Variants in MYH10 observed in about 807,000 individuals in gnomAD.
The protein encoded by MYH10 is myosin heavy chain 10.
A neutral mutation model predicts 257.8 loss-of-function variants in MYH10; 55 were observed. The observed-to-expected ratio is 0.21, with a 90% CI of 0.17 to 0.27. The LOEUF (loss-of-function observed/expected upper bound fraction) is 0.27. Among genes scored for constraint, MYH10 ranks in the 10% least tolerant of loss-of-function variants. The pLI is 1.00. For missense variants in MYH10, 1,631 were observed against 2,500.6 expected (o/e 0.65, Z 7.42); for synonymous variants, 854 against 921.7 (o/e 0.93, Z 1.33).
intron 35 of MYH10, among the ~76,000 whole-genome samples, chr17:8,489,744 C>CACACACACACACAT: frequency 7.2e-6 from 1 of 138,514 alleles, no homozygotes; most frequent in Non-Finnish European, 1.7e-5. Context: ...CACACACACA[C>CACACACACACACAT]ACCCCAAATC....
At chr17:8,589,424 A>C (rs1192505828) in intron 3 of MYH10, among the ~76,000 whole-genome samples, 1 of 152,144 alleles carries the variant, frequency 6.6e-6, no homozygotes, top group East Asian at 1.9e-4. Flanking sequence ...TTCAACCGGG[A>C]AGTTTTATAA....
chr17:8,542,839 G>A (rs1597785422), intron 13 of MYH10, among the ~76,000 whole-genome samples: 1 of 152,130 alleles, frequency 6.6e-6, no homozygotes, highest in East Asian at 1.9e-4. Flanking sequence ...AGCCAGGCCT[G>A]GCACATGGAA....
At chr17:8,614,142 T>C (rs901397970) in intron 2 of MYH10, among the ~76,000 whole-genome samples, 3 of 152,098 alleles carry the variant, frequency 2.0e-5, no homozygotes, top group African/African-American at 7.2e-5. Flanking sequence ...AAGTGCATAA[T>C]AACCCTTTAC....
In MYH10 at chr17:8,569,786, T is replaced by C. The variant is rs965374419; in HGVS notation, c.690A>G (p.Gln230=). ...CAAATGATTCCAGAATTGGATTTGC[T>C]TGCAAAAGCTGCCGTTCAAGTTCCC... The part of the protein sequence containing the change: ...HQGELERQLL[Q]ANPILESFGN... The change falls in exon 7 of 43, where the codon CAA becomes CAG. Residue 230 remains glutamine, a synonymous_variant. Transcript: ENST00000360416. The surrounding 1 kb of genome is among the most constrained non-coding windows in gnomAD (Gnocchi z 4.1). The C allele has an allele frequency of 1.2e-6, 2 of 1,612,308 alleles. No individual in the cohort carries two copies. Among genetic ancestry groups the C allele is most frequent in the Non-Finnish European group, 1.7e-6 (2 of 1,179,192 alleles).
chr17:8,511,014 C>CCATATATATATATATATATA (rs2081250381), intron 24 of MYH10: 3 of 73,528 alleles, frequency 4.1e-5, no homozygotes, highest in African/African-American at 1.8e-4. Flanking sequence ...CTCATGTACC[C>CCATATATATATATATATATA]CATATATATA....
At chr17:8,604,395 T>C (rs1378686026) in intron 3 of MYH10, among the ~76,000 whole-genome samples, 4 of 152,194 alleles carry the variant, frequency 2.6e-5, no homozygotes, top group African/African-American at 9.6e-5. Context: ...ACTTAACACA[T>C]GCTTTTTAAC....
In MYH10 at chr17:8,569,700, T is replaced by A. The variant is rs148590230; in HGVS notation, c.756+20A>T. 2.8e-5 allele frequency: 43 copies of A among 1,537,466 alleles called. No homozygotes were observed. The highest frequency in any genetic ancestry group is 3.8e-5 in the Non-Finnish European group (42 of 1,118,214). ...CTAGAAATCTAAGGAATTAAAAGCT[T>A]CTGGTGCTTTGAAACTTACAAAACG... On this transcript the variant is annotated intron_variant, in intron 7 of 42. Transcript: ENST00000360416. The surrounding 1 kb of genome is among the most constrained non-coding windows in gnomAD (Gnocchi z 4.1).
At chr17:8,607,636 C>T (rs1467021433) in intron 2 of MYH10, among the ~76,000 whole-genome samples, 2 of 152,116 alleles carry the variant, frequency 1.3e-5, no homozygotes, top group Non-Finnish European at 2.9e-5. Context: ...TTCTGTCTTC[C>T]CCCAGACACA....
chr17:8,544,149 T>G (rs2151948397), intron 13 of MYH10, among the ~76,000 whole-genome samples: 1 of 152,338 alleles, frequency 6.6e-6, no homozygotes, highest in East Asian at 1.9e-4. Flanking sequence ...ACCAGTTTCC[T>G]AAAGGTGGGC....
intron 9 of MYH10, among the ~76,000 whole-genome samples, chr17:8,549,277 C>T (rs141520184): frequency 1.3e-5 from 2 of 152,304 alleles, no homozygotes; most frequent in Non-Finnish European, 2.9e-5. Flanking sequence ...AAGCACGTCC[C>T]GAGCCCAGCA....
At chr17:8,548,455 G>T in intron 10 of MYH10, 47 bp from the exon 11 acceptor site, 1 of 1,452,858 alleles carries the variant, frequency 6.9e-7, no homozygotes, top group Non-Finnish European at 9.4e-7. Context: ...GCCTCAAAAT[G>T]TAGCGGAGAC....
At chr17:8,567,916 G>C (rs922660066) in intron 7 of MYH10, among the ~76,000 whole-genome samples, 2 of 152,190 alleles carry the variant, frequency 1.3e-5, no homozygotes, top group Non-Finnish European at 2.9e-5. Context: ...AGATTGATGA[G>C]AGCACTGTGA....
At chr17:8,519,348 G>GT (rs2081574712) in intron 19 of MYH10, among the ~76,000 whole-genome samples, 1 of 152,186 alleles carries the variant, frequency 6.6e-6, no homozygotes, top group Non-Finnish European at 1.5e-5. Flanking sequence ...AGGAAGGGCT[G>GT]TAAGAGCTGT....
At position 8,490,276 on chromosome 17, in the gene MYH10, T is replaced by C. The variant is rs898576350; in HGVS notation, c.4884+64A>G. On this transcript the variant is annotated intron_variant, in intron 35 of 42. Coordinates refer to ENST00000360416, the MANE Select transcript of MYH10 (RefSeq NM_001256012.3). The surrounding 1 kb of genome is among the most constrained non-coding windows in gnomAD (Gnocchi z 4.1). ...GTTCTAACACGAATGAACAGGATAC[T>C]GACCCAGAGCTGGGCTTTGAGAGCC... 6 of 1,439,006 alleles carry C rather than the reference T, an allele frequency of 4.2e-6. No individual in the cohort carries two copies. Among genetic ancestry groups the C allele is most frequent in the Admixed American group, 1.7e-5 (1 of 59,680 alleles). The allele number at this position is 1,439,006 out of a possible 1,614,324, so 89.1% of individuals were successfully genotyped here. A position where few individuals can be genotyped will look rare whatever the true frequency, so the allele number is the denominator to read the frequency against.
At chr17:8,517,956 G>T (rs1010843692) in intron 21 of MYH10, among the ~76,000 whole-genome samples, 41 of 151,772 alleles carry the variant, frequency 2.7e-4, no homozygotes, top group African/African-American at 9.9e-4. Flanking sequence ...TCTTACCCTT[G>T]AGGTTTCAGC....
At chr17:8,605,145 T>C (rs1209904037) in intron 2 of MYH10, among the ~76,000 whole-genome samples, 163 bp from the exon 3 acceptor site, 1 of 152,224 alleles carries the variant, frequency 6.6e-6, no homozygotes, top group Admixed American at 6.5e-5. Flanking sequence ...ATGGGCAATT[T>C]AGTACTATGA....
chr17:8,578,858 T>A (rs1309502247), intron 4 of MYH10, among the ~76,000 whole-genome samples: 1 of 151,902 alleles, frequency 6.6e-6, no homozygotes, highest in Non-Finnish European at 1.5e-5. Context: ...AATTTTTCTT[T>A]AAAAAAAACA....
chr17:8,493,740 T>C lies in MYH10; in HGVS notation c.4202A>G (p.Gln1401Arg). The C allele has an allele frequency of 6.2e-7, 1 of 1,613,366 alleles. No homozygotes were observed. Among genetic ancestry groups the C allele is most frequent in the Non-Finnish European group, 8.5e-7 (1 of 1,179,714 alleles). Residue 1401 changes from glutamine to arginine, a missense_variant, in exon 32 of 43, where the codon CAG (glutamine) becomes CGG (arginine). Coordinates refer to ENST00000360416, the MANE Select transcript of MYH10 (RefSeq NM_001256012.3). ...KNLEKQVLALQSQLADTKKKV... is the reference protein window; with the variant it reads ...KNLEKQVLALRSQLADTKKKV... Reference sequence around the variant, plus strand: ...CCTAAAGAGGACGCACACCTGGGACTGCAGGGCCAGCACTTGCTTCTCCAG... The same window carrying C: ...CCTAAAGAGGACGCACACCTGGGACCGCAGGGCCAGCACTTGCTTCTCCAG...
rs776194681 is a variant in MYH10, at chr17:8,475,844, G to A, written c.5984C>T (p.Thr1995Ile). The part of the protein sequence containing the change: ...ELSDDDTESK[T>I]SDVNETQPPQ... ...TGGCTGCGTCTCGTTGACATCACTG[G>A]TCTTACTTTCTGTGTCATCGTCGGA... is the stretch of plus-strand genomic sequence containing the variant. The change falls in exon 43 of 43, where the codon ACC becomes ATC. Residue 1995 changes from threonine to isoleucine, a missense_variant. By Grantham distance (89) the Thr-to-Ile change is moderately conservative (BLOSUM62 -1). Coordinates refer to ENST00000360416, the MANE Select transcript of MYH10 (RefSeq NM_001256012.3). 3.1e-6 allele frequency: 5 copies of A among 1,614,066 alleles called. No homozygotes were observed. Among genetic ancestry groups the A allele is most frequent in the Non-Finnish European group, 4.2e-6 (5 of 1,180,056 alleles).
Sources: gnomAD v4.1 joint callset for allele counts (sites outside exome capture counted in the v4.1 genomes callset) on GRCh38, gnomAD v4.1.1 for gene constraint, Gnocchi (gnomAD v3.1) non-coding constraint, MANE v1.5 for transcripts, NCBI Gene and HGNC (gene_info 2026-07-23, HGNC 2026-07-21) for gene names.